SASH1: variants seen among roughly 807,000 people sequenced by gnomAD.
SASH1 encodes the protein SAM and SH3 domain-containing protein 1.
Under a neutral mutation model 125.2 loss-of-function variants are expected in SASH1, and 44 were observed. The ratio of observed to expected loss-of-function variants is 0.35; its 90% CI spans 0.28 to 0.45. The LOEUF (loss-of-function observed/expected upper bound fraction) is 0.45, where lower values mean the gene tolerates loss of function less well. Ranked by LOEUF, SASH1 falls within the 20% of genes least tolerant of loss-of-function variation. SASH1 has a pLI of 1.00. For synonymous variants in SASH1, 639 were observed against 649.1 expected (o/e 0.98, Z 0.24); for missense variants, 1,426 against 1,614.5 (o/e 0.88, Z 2.00).
At chr6:148,402,467 G>C (rs1379286252) in intron 2 of SASH1, among the ~76,000 whole-genome samples, 3 of 151,876 alleles carry the variant, frequency 2.0e-5, no homozygotes, top group African/African-American at 2.4e-5. Context: ...GTACCACCAT[G>C]CCGGACTTTT....
intron 2 of SASH1, among the ~76,000 whole-genome samples, chr6:148,417,610 A>AAATAAATAAATAAATAAATAAAT (rs1554254518): frequency 5.8e-5 from 5 of 86,380 alleles, no homozygotes; most frequent in African/African-American, 2.0e-4. Flanking sequence ...AATAAATAAA[A>AAATAAATAAATAAATAAATAAAT]GAGCATGTAT....
At chr6:148,442,548 G>A (rs1408432260) in intron 4 of SASH1, among the ~76,000 whole-genome samples, 7 of 141,706 alleles carry the variant, frequency 4.9e-5, no homozygotes, top group African/African-American at 1.6e-4. Flanking sequence ...CACACCCCCT[G>A]CCCCCCACAT....
chr6:148,410,723 TAAAC>T lies in SASH1; in HGVS notation c.285+20464_285+20467del, dbSNP rs563475402. 5.9e-5 allele frequency among the ~76,000 whole-genome samples: 9 copies of T among 152,302 alleles called. No homozygotes were observed. The East Asian group carries it at 1.5e-3, about 26-fold the overall frequency. On this transcript the variant is annotated intron_variant, in intron 2 of 19. Coordinates refer to ENST00000367467, the MANE Select transcript of SASH1 (RefSeq NM_015278.5). Reference sequence around the variant, plus strand: ...AGTAAACAGAAACTTCATAAGGAAATAAACAACCATGTTGCTTTAGATATGAGTG... The same window carrying T: ...AGTAAACAGAAACTTCATAAGGAAATAACCATGTTGCTTTAGATATGAGTG...
At chr6:148,483,256 G>A (rs931287940) in intron 7 of SASH1, among the ~76,000 whole-genome samples, 1 of 152,080 alleles carries the variant, frequency 6.6e-6, no homozygotes, top group African/African-American at 2.4e-5. Flanking sequence ...AGGGAGAGGG[G>A]AGGTGCCTGG....
At chr6:148,334,804 T>C (rs1214668161) in intron 1 of SASH1, among the ~76,000 whole-genome samples, 1 of 149,528 alleles carries the variant, frequency 6.7e-6, no homozygotes, top group African/African-American at 2.5e-5. Flanking sequence ...AGAGCAACAC[T>C]CCATCTCAGG....
chr6:148,301,262 G>A (rs545669134), intron 1 of SASH1, among the ~76,000 whole-genome samples: 84 of 148,312 alleles, frequency 5.7e-4, no homozygotes, highest in African/African-American at 1.8e-3. Context: ...GGAGACAGAG[G>A]TTGCAGTGAG....
intron 1 of SASH1, among the ~76,000 whole-genome samples, chr6:148,359,470 A>C (rs1357568699): frequency 6.6e-6 from 1 of 152,070 alleles, no homozygotes; most frequent in East Asian, 1.9e-4. Context: ...TCATGATTAA[A>C]CCTGAACAGA....
rs571419039 is a variant in SASH1 at position 148,550,937 on chromosome 6, G to C, written c.*2379G>C. 1 of 152,678 alleles carries C rather than the reference G, an allele frequency of 6.5e-6. No homozygotes were observed. The highest frequency in any genetic ancestry group is 1.5e-5 in the Non-Finnish European group (1 of 68,034). 9.5% of individuals were successfully genotyped at this position (152,678 alleles called of 1,614,324 possible). On this transcript the variant is annotated 3_prime_UTR_variant, in exon 20 of 20. Coordinates refer to ENST00000367467, the MANE Select transcript of SASH1 (RefSeq NM_015278.5). ...CTCCATGAAGGATTTTCATTTCAGT[G>C]AAAGTCGCAGCAGAAGAGGGAACTT...
chr6:148,195,609 C>A, the SASH1 span, among the ~76,000 whole-genome samples: 1 of 152,242 alleles, frequency 6.6e-6, no homozygotes, highest in Non-Finnish European at 1.5e-5. Context: ...TCCAGCACTG[C>A]CACTACATGT....
At chr6:148,516,695 C>G (rs1780460424) in intron 9 of SASH1, among the ~76,000 whole-genome samples, 1 of 152,042 alleles carries the variant, frequency 6.6e-6, no homozygotes, top group Non-Finnish European at 1.5e-5. Context: ...GAAGTAAGCA[C>G]TTACACCATC....
intron 2 of SASH1, among the ~76,000 whole-genome samples, chr6:148,398,599 A>G (rs1180980620): frequency 6.6e-6 from 1 of 152,142 alleles, no homozygotes; most frequent in Non-Finnish European, 1.5e-5. Context: ...TCTTATCCCC[A>G]TAGGATAAGA....
intron 7 of SASH1, among the ~76,000 whole-genome samples, chr6:148,477,659 G>A (rs1441031505): frequency 1.3e-5 from 2 of 151,224 alleles, no homozygotes. Context: ...CCGAATAGCT[G>A]GGATCACAGG....
intron 4 of SASH1, among the ~76,000 whole-genome samples, chr6:148,445,196 T>C (rs529134217): frequency 1.2e-4 from 18 of 152,308 alleles, no homozygotes; most frequent in African/African-American, 3.8e-4. Flanking sequence ...CTTTGACCTG[T>C]ATCTTGTGAC....
chr6:148,336,201 T>TTTG (rs1554236803), intron 1 of SASH1, among the ~76,000 whole-genome samples: 4 of 122,642 alleles, frequency 3.3e-5, no homozygotes, highest in Admixed American at 8.3e-5. Context: ...TTTTTTTTTT[T>TTTG]GAGACAGAGT....
intron 17 of SASH1, among the ~76,000 whole-genome samples, chr6:148,542,702 G>A (rs775610320): frequency 2.0e-5 from 3 of 152,204 alleles, no homozygotes; most frequent in Non-Finnish European, 4.4e-5. Context: ...AATATCTTCA[G>A]TAGTAGCACT....
At position 148,312,029 on chromosome 6, in the gene SASH1, G is replaced by C. The variant is rs147700481; in HGVS notation, n.74+39652G>C. On this transcript the variant is annotated intron_variant and non_coding_transcript_variant, in intron 1 of 3. Coordinates refer to the SASH1 transcript ENST00000367469. ...TCAAATGCTTCTTGCTAAGTGAAAG[G>C]ATCCAGACTCAAAAAGCTGCATACT... Among the ~76,000 whole-genome samples the C allele has an allele frequency of 4.2e-3, 637 of 152,278 alleles. 5 individuals are homozygous for C. The highest frequency in any genetic ancestry group is 5.2e-3 in the Non-Finnish European group (355 of 68,024).
At chr6:148,258,478 A>G in the SASH1 span, among the ~76,000 whole-genome samples, 4 of 152,206 alleles carry the variant, frequency 2.6e-5, no homozygotes, top group Admixed American at 2.0e-4. Flanking sequence ...ACTCAGGATC[A>G]CAGAGATTAA....
intron 1 of SASH1, among the ~76,000 whole-genome samples, chr6:148,334,206 C>CGT: frequency 7.3e-6 from 1 of 137,668 alleles, no homozygotes; most frequent in East Asian, 2.2e-4. Flanking sequence ...GGGTGGATCA[C>CGT]GAGGTCAGGA....
intron 15 of SASH1, among the ~76,000 whole-genome samples, chr6:148,534,443 C>CTGT (rs1440069239): frequency 1.1e-4 from 17 of 152,204 alleles, no homozygotes; most frequent in Non-Finnish European, 2.5e-4. Context: ...GGAGTCTCCT[C>CTGT]TGTTGTGGGC....
Sources: allele counts gnomAD v4.1 joint callset (sites outside exome capture counted in the v4.1 genomes callset), GRCh38; gene constraint gnomAD v4.1.1; transcripts MANE v1.5; gene names NCBI Gene and HGNC (gene_info 2026-07-23, HGNC 2026-07-21).